Variants in TNKS observed in about 807,000 individuals in gnomAD.
The protein encoded by TNKS is poly [ADP-ribose] polymerase tankyrase-1.
In TNKS, 72 loss-of-function variants were observed where a neutral mutation model predicts 135.8. That is an observed-to-expected ratio of 0.53 (90% confidence interval 0.44 to 0.64). The LOEUF is 0.64. Among genes scored for constraint, TNKS ranks in the 30% least tolerant of loss-of-function variants. The pLI is 0.00. For missense variants in TNKS, 1,769 were observed against 1,674.0 expected (o/e 1.06, Z -0.99); for synonymous variants, 849 against 649.3 (o/e 1.31, Z -4.68).
At chr8:9,650,887 T>A (rs1801124316) in intron 3 of TNKS, among the ~76,000 whole-genome samples, 1 of 152,226 alleles carries the variant, frequency 6.6e-6, no homozygotes, top group South Asian at 2.1e-4. Flanking sequence ...GTGAATTCTT[T>A]GCCTAAGCTA....
chr8:9,572,352 G>T (rs1384599900), intron 1 of TNKS, among the ~76,000 whole-genome samples: 1 of 152,142 alleles, frequency 6.6e-6, no homozygotes, highest in Non-Finnish European at 1.5e-5. Context: ...GGCCTTTGTT[G>T]TTGTTAGACT....
intron 2 of TNKS, among the ~76,000 whole-genome samples, chr8:9,601,463 C>T (rs1450945220): frequency 3.3e-5 from 5 of 152,088 alleles, no homozygotes; most frequent in African/African-American, 1.2e-4. Context: ...CTTTTTAAGT[C>T]CAGAACCAGA....
chr8:9,708,414 A>G lies in TNKS; in HGVS notation c.1500A>G (p.Ala500=). 10 of 1,610,204 alleles carry G rather than the reference A, an allele frequency of 6.2e-6. No individual in the cohort carries two copies. Among genetic ancestry groups the G allele is most frequent in the African/African-American group, 1.3e-5 (1 of 74,956 alleles). The change falls in exon 9 of 27, where the codon GCA becomes GCG. Residue 500 remains alanine (A), a synonymous_variant. Transcript: ENST00000310430. ...GHSLLQAARE[A]DLAKVKKTLA... The stretch of plus-strand genomic sequence containing the variant: ...CTTTACTACAAGCAGCCAGAGAAGC[A>G]GACTTAGCTAAAGTTAAAAAAACAC...
intron 3 of TNKS, chr8:9,679,624 A>C: frequency 4.0e-6 from 1 of 251,016 alleles, no homozygotes; most frequent in Non-Finnish European, 7.8e-6. Flanking sequence ...TGAATAGAGA[A>C]AAGGGGGGAG....
intron 11 of TNKS, chr8:9,710,475 G>C: frequency 1.8e-6 from 1 of 567,294 alleles, no homozygotes; most frequent in Non-Finnish European, 3.1e-6. Flanking sequence ...ATTTGAAATA[G>C]ATTTCATCTT....
chr8:9,606,874 G>T (rs1799240981), intron 2 of TNKS, among the ~76,000 whole-genome samples: 1 of 152,100 alleles, frequency 6.6e-6, no homozygotes, highest in East Asian at 1.9e-4. Context: ...AACTTATGGA[G>T]GTTTGGTTTT....
intron 2 of TNKS, among the ~76,000 whole-genome samples, chr8:9,585,168 T>G (rs1274253628): frequency 1.3e-5 from 2 of 151,948 alleles, no homozygotes; most frequent in Admixed American, 1.3e-4. Context: ...ACCACCTAAT[T>G]TTTTTTTCAG....
chr8:9,631,875 C>T lies in TNKS; in HGVS notation c.994+16198C>T, dbSNP rs147722963. 4.6e-5 allele frequency among the ~76,000 whole-genome samples: 7 copies of T among 151,962 alleles called. No homozygotes were observed. The East Asian group carries it at 1.2e-3, about 25-fold the overall frequency. On this transcript the variant is annotated intron_variant, in intron 3 of 26. Transcript: ENST00000310430. ...GCAGCTGAGATGGCAGTGATACATG[C>T]TTTAATGGTTTACTCATTTACAAAC...
intron 5 of TNKS, among the ~76,000 whole-genome samples, chr8:9,689,701 A>G (rs1489943149): frequency 6.6e-6 from 1 of 152,226 alleles, no homozygotes; most frequent in Non-Finnish European, 1.5e-5. Flanking sequence ...CAGAAACAAC[A>G]AAGACTTTAT....
intron 3 of TNKS, among the ~76,000 whole-genome samples, chr8:9,672,711 CAAAAA>C (rs6150458): frequency 0.086 from 7,342 of 85,186 alleles, 480 homozygotes; most frequent in Admixed American, 0.22. Flanking sequence ...CACACACACA[CAAAAA>C]AAAAAAAACA....
At chr8:9,693,527 G>T (rs1235807383) in intron 5 of TNKS, among the ~76,000 whole-genome samples, 1 of 151,958 alleles carries the variant, frequency 6.6e-6, no homozygotes, top group Non-Finnish European at 1.5e-5. Flanking sequence ...GAGGGAATGT[G>T]GTAATTTTAT....
intron 17 of TNKS, among the ~76,000 whole-genome samples, chr8:9,736,216 G>A (rs1195453524): frequency 6.6e-6 from 1 of 151,408 alleles, no homozygotes; most frequent in Non-Finnish European, 1.5e-5. Context: ...TTTATCATCA[G>A]CACCTTAAAA....
chr8:9,577,684 A>G (rs1387708163), intron 1 of TNKS, among the ~76,000 whole-genome samples: 1 of 152,218 alleles, frequency 6.6e-6, no homozygotes, highest in Non-Finnish European at 1.5e-5. Context: ...ACTGGGGATC[A>G]TAATTTGACA....
intron 3 of TNKS, among the ~76,000 whole-genome samples, chr8:9,675,869 G>A (rs111458890): frequency 6.6e-6 from 1 of 152,100 alleles, no homozygotes; most frequent in African/African-American, 2.4e-5. Context: ...TCCCTTAGGA[G>A]AGTGGTTCTG....
chr8:9,559,452 C>G (rs1238609753), intron 1 of TNKS, among the ~76,000 whole-genome samples: 3 of 151,386 alleles, frequency 2.0e-5, no homozygotes, highest in African/African-American at 7.3e-5. Flanking sequence ...TTTTTTCTTT[C>G]CAACTTTTAG....
chr8:9,710,568 TA>T (rs1334963280), intron 11 of TNKS, among the ~76,000 whole-genome samples: 1 of 152,206 alleles, frequency 6.6e-6, no homozygotes, highest in East Asian at 1.9e-4. Context: ...TAAATTATGT[TA>T]AATGATAGCA....
chr8:9,626,451 A>G (rs913023261), intron 3 of TNKS, among the ~76,000 whole-genome samples: 3 of 152,242 alleles, frequency 2.0e-5, no homozygotes, highest in South Asian at 2.1e-4. Flanking sequence ...TGTTTTAGCT[A>G]CTAAGTTTAT....
chr8:9,703,136 G>T (rs887403362), intron 5 of TNKS, among the ~76,000 whole-genome samples: 1 of 152,084 alleles, frequency 6.6e-6, no homozygotes. Flanking sequence ...CTGAAGCCTC[G>T]GATAGTACCA....
chr8:9,574,849 AAAGTC>A (rs1299798315), intron 1 of TNKS, among the ~76,000 whole-genome samples: 6 of 152,132 alleles, frequency 3.9e-5, no homozygotes, highest in African/African-American at 1.4e-4. Context: ...TAATTATAAA[AAAGTC>A]AAGAGAGAAA....
Sources: gnomAD v4.1 joint callset for allele counts (sites outside exome capture counted in the v4.1 genomes callset) on GRCh38, gnomAD v4.1.1 for gene constraint, MANE v1.5 for transcripts, NCBI Gene and HGNC (gene_info 2026-07-23, HGNC 2026-07-21) for gene names.